Variants in EXOC4 observed in about 807,000 individuals in gnomAD.
EXOC4 encodes the protein exocyst complex component 4, also known as SEC8-like 1.
EXOC4 carries 71 observed loss-of-function variants against 107.2 expected under a neutral mutation model. That is an observed-to-expected ratio of 0.66 (90% CI 0.55 to 0.81). The LOEUF is 0.81. Ranked by LOEUF, EXOC4 falls within the 30% of genes least tolerant of loss-of-function variation. The probability of loss-of-function intolerance (pLI) is 0.00; values close to 1 mark genes in which losing one functional copy is unlikely to be tolerated. For synonymous variants in EXOC4, 456 were observed against 441.2 expected, an observed-to-expected ratio of 1.03 and a Z score of -0.42; for missense variants, 1,108 against 1,189.6, an observed-to-expected ratio of 0.93 and a Z score of 1.01.
chr7:133,965,869 AT>A (rs1801053839), intron 14 of EXOC4, among the ~76,000 whole-genome samples: 1 of 152,160 alleles, frequency 6.6e-6, no homozygotes, highest in African/African-American at 2.4e-5. Context: ...AAGAAAGCCA[AT>A]GGTATTTTGA....
intron 10 of EXOC4, among the ~76,000 whole-genome samples, chr7:133,722,307 C>T (rs1242657239): frequency 1.3e-5 from 2 of 152,186 alleles, no homozygotes; most frequent in African/African-American, 2.4e-5. Flanking sequence ...TCTCTGGCCA[C>T]ACATACTCAG....
chr7:133,309,615 A>G (rs1794826345), intron 4 of EXOC4, among the ~76,000 whole-genome samples: 1 of 152,184 alleles, frequency 6.6e-6, no homozygotes, highest in Non-Finnish European at 1.5e-5. Context: ...TGTTTTTACA[A>G]GATTGAGAAT....
intron 7 of EXOC4, among the ~76,000 whole-genome samples, chr7:133,470,918 A>G (rs910264567): frequency 6.6e-6 from 1 of 152,168 alleles, no homozygotes; most frequent in Non-Finnish European, 1.5e-5. Flanking sequence ...TTGAACCCAT[A>G]GGTGTGTGCT....
chr7:134,026,717 G>A (rs1399857527), intron 17 of EXOC4, among the ~76,000 whole-genome samples: 2 of 152,156 alleles, frequency 1.3e-5, no homozygotes, highest in Non-Finnish European at 2.9e-5. Context: ...AGTGCTGCTG[G>A]AACATTATTC....
chr7:133,313,810 T>C (rs1794929681), intron 4 of EXOC4, among the ~76,000 whole-genome samples: 1 of 152,124 alleles, frequency 6.6e-6, no homozygotes, highest in South Asian at 2.1e-4. Context: ...TTGGGTTTAA[T>C]TTGTTGTATA....
At chr7:133,910,796 G>A (rs1177162220) in intron 12 of EXOC4, among the ~76,000 whole-genome samples, 1 of 152,176 alleles carries the variant, frequency 6.6e-6, no homozygotes, top group Non-Finnish European at 1.5e-5. Context: ...TTGGCTCCTA[G>A]TTTTTGAAGT....
intron 9 of EXOC4, among the ~76,000 whole-genome samples, chr7:133,554,449 G>A (rs550351284): frequency 6.6e-5 from 10 of 152,150 alleles, no homozygotes; most frequent in South Asian, 6.2e-4. Context: ...TGCTCTGCTC[G>A]CCAACCTTAA....
intron 17 of EXOC4, among the ~76,000 whole-genome samples, chr7:134,046,491 C>T (rs1287128895): frequency 6.6e-5 from 10 of 150,856 alleles, no homozygotes; most frequent in Non-Finnish European, 1.2e-4. Context: ...CAAAAAAAGA[C>T]GGCTCAGATG....
At chr7:134,098,991 G>A in the EXOC4 span, among the ~76,000 whole-genome samples, 1 of 152,144 alleles carries the variant, frequency 6.6e-6, no homozygotes, top group Non-Finnish European at 1.5e-5. Context: ...GGTCAAGGGT[G>A]TTTCCAGAAG....
chr7:133,387,151 G>A (rs1317344285), intron 7 of EXOC4, among the ~76,000 whole-genome samples: 1 of 152,122 alleles, frequency 6.6e-6, no homozygotes. Context: ...CACACTCCTG[G>A]TTAAGAGGCA....
chr7:133,306,889 A>G (rs544551047), intron 4 of EXOC4, among the ~76,000 whole-genome samples: 1 of 152,302 alleles, frequency 6.6e-6, no homozygotes, highest in East Asian at 1.9e-4. Context: ...GGTAGTCTCA[A>G]GAAATTCATT....
intron 9 of EXOC4, among the ~76,000 whole-genome samples, chr7:133,620,907 G>A (rs1437371818): frequency 6.6e-6 from 1 of 152,180 alleles, no homozygotes; most frequent in East Asian, 1.9e-4. Context: ...ACAAAGGTAG[G>A]AATGCTCCTC....
intron 9 of EXOC4, among the ~76,000 whole-genome samples, chr7:133,553,931 T>C (rs1800643221): frequency 6.6e-6 from 1 of 152,164 alleles, no homozygotes; most frequent in South Asian, 2.1e-4. Context: ...GGGGATTTTA[T>C]GTAGATCTAT....
At chr7:133,934,026 A>G (rs991557357) in intron 13 of EXOC4, among the ~76,000 whole-genome samples, 1 of 152,192 alleles carries the variant, frequency 6.6e-6, no homozygotes, top group African/African-American at 2.4e-5. Context: ...ATCATACAGT[A>G]CCTATAGTTG....
chr7:133,386,562 C>T (rs1796731801), intron 7 of EXOC4, among the ~76,000 whole-genome samples: 1 of 152,082 alleles, frequency 6.6e-6, no homozygotes, highest in East Asian at 1.9e-4. Flanking sequence ...GTTTGTGCTG[C>T]TTATACTCTT....
chr7:133,655,076 A>C (rs1347044815), intron 10 of EXOC4, among the ~76,000 whole-genome samples: 1 of 152,178 alleles, frequency 6.6e-6, no homozygotes, highest in Non-Finnish European at 1.5e-5. Flanking sequence ...ACAGTATTGT[A>C]ACTTTGTAAA....
chr7:133,800,175 T>A (rs1187841754), intron 10 of EXOC4, among the ~76,000 whole-genome samples: 2 of 152,158 alleles, frequency 1.3e-5, no homozygotes, highest in Admixed American at 6.6e-5. Flanking sequence ...AGGTAATGAA[T>A]GTGAAAGTGA....
chr7:134,043,543 G>C (rs905818919), intron 17 of EXOC4, among the ~76,000 whole-genome samples: 1 of 152,308 alleles, frequency 6.6e-6, no homozygotes, highest in African/African-American at 2.4e-5. Context: ...ATTCTCAACA[G>C]AAGTATAAAT....
At chr7:133,358,224 C>G (rs1796066412) in intron 6 of EXOC4, among the ~76,000 whole-genome samples, 1 of 152,030 alleles carries the variant, frequency 6.6e-6, no homozygotes, top group African/African-American at 2.4e-5. Flanking sequence ...AAACCAAAAC[C>G]AAACAAACAA....
Sources: gnomAD v4.1 joint callset for allele counts (sites outside exome capture counted in the v4.1 genomes callset) on GRCh38, gnomAD v4.1.1 for gene constraint, MANE v1.5 for transcripts, NCBI Gene and HGNC (gene_info 2026-07-23, HGNC 2026-07-21) for gene names.